The following TMEM63A variants were observed in gnomAD, a reference collection of about 807,000 sequenced individuals.
TMEM63A encodes mechanosensitive cation channel TMEM63A.
Under a neutral mutation model 100.6 loss-of-function variants are expected in TMEM63A, and 76 were observed. The observed-to-expected ratio is 0.76, with a 90% CI of 0.63 to 0.91. TMEM63A has a LOEUF of 0.91. Ranked by LOEUF, TMEM63A falls within the 40% of genes least tolerant of loss-of-function variation. The pLI is 0.00. For missense variants in TMEM63A, 876 were observed against 1,008.8 expected (o/e 0.87, Z 1.78); for synonymous variants, 401 against 401.1 (o/e 1.00, Z 0.00).
chr1:225,864,741 C>G (rs1006230270), intron 10 of TMEM63A: 12 of 152,224 alleles, frequency 7.9e-5, no homozygotes, highest in Admixed American at 2.0e-4. Flanking sequence ...ATTTGCTTAG[C>G]AAGTGCTTTC....
chr1:225,875,898 T>C (rs903388447), intron 3 of TMEM63A, among the ~76,000 whole-genome samples: 1 of 151,620 alleles, frequency 6.6e-6, no homozygotes, highest in Non-Finnish European at 1.5e-5. Flanking sequence ...AAATCCCATC[T>C]CTACCAAAAA....
chr1:225,877,246 C>T, intron 3 of TMEM63A, 149 bp downstream of exon 3: 1 of 839,548 alleles, frequency 1.2e-6, no homozygotes, highest in South Asian at 2.1e-5. Flanking sequence ...AGCTAAGTAA[C>T]ACGCCTAAGT....
chr1:225,860,910 A>G lies in TMEM63A; in HGVS notation c.1173T>C (p.Tyr391=). The G allele has an allele frequency of 6.2e-7, 1 of 1,612,872 alleles. No homozygotes were observed. ...CAAAGGTGACTGTCCACTTGGAGGT[A>G]TAGAGCTCCCTGCTATGGGAGGACG... The part of the protein sequence containing the change: ...PQPSSHSREL[Y]TSKWTVTFAA... The change falls in exon 14 of 25, where the codon TAT becomes TAC. Residue 391 remains tyrosine, a synonymous_variant. Coordinates refer to ENST00000366835, the MANE Select transcript of TMEM63A (RefSeq NM_014698.3).
chr1:225,874,505 G>T, intron 3 of TMEM63A, 138 bp from the exon 4 acceptor site: 1 of 690,608 alleles, frequency 1.4e-6, no homozygotes, highest in Non-Finnish European at 2.4e-6. Flanking sequence ...AGAGGGCACT[G>T]AAGTGCCCAA....
chr1:225,869,787 C>T (rs944941504), intron 6 of TMEM63A, among the ~76,000 whole-genome samples: 4 of 151,164 alleles, frequency 2.6e-5, no homozygotes, highest in South Asian at 4.2e-4. Flanking sequence ...CTCAGCCTCC[C>T]GAGTAGCTGG....
intron 13 of TMEM63A, 46 bp from the exon 14 acceptor site, chr1:225,861,043 C>T: frequency 6.4e-7 from 1 of 1,555,248 alleles, no homozygotes; most frequent in Non-Finnish European, 8.7e-7. Context: ...ACTCAGGTTA[C>T]CAAGCACACA....
At chr1:225,869,667 T>TTTTCTTTTC (rs1553492496) in intron 6 of TMEM63A, among the ~76,000 whole-genome samples, 20 of 2,636 alleles carry the variant, frequency 7.6e-3, no homozygotes, top group East Asian at 0.25. Context: ...TTTTCTTTTC[T>TTTTCTTTTC]TTTTTTTTTT....
In TMEM63A at chr1:225,846,904, C is replaced by G; in HGVS notation, c.*35G>C. On this transcript the variant is annotated 3_prime_UTR_variant, in exon 25 of 25. Coordinates refer to ENST00000366835, the MANE Select transcript of TMEM63A (RefSeq NM_014698.3). ...CCAAGGGCCTGAGCCCCAGGCCATT[C>G]TGGTTGTGTCTTTTCAGAGCAGTGA... 1.8e-6 allele frequency: 2 copies of G among 1,138,416 alleles called. No homozygotes were observed. The highest frequency in any genetic ancestry group is 5.8e-5 in the Admixed American group (2 of 34,294). 70.5% of individuals were successfully genotyped at this position (1,138,416 alleles called of 1,614,324 possible).
chr1:225,862,746 C>A lies in TMEM63A; in HGVS notation c.827+25G>T. On this transcript the variant is annotated intron_variant, in intron 11 of 24. Coordinates refer to ENST00000366835, the MANE Select transcript of TMEM63A (RefSeq NM_014698.3). The surrounding 1 kb of genome is among the most constrained non-coding windows in gnomAD (Gnocchi z 5.1). ...AGGCCAGCAAGGAAGGAGGGGGCAT[C>A]TTGCAAGGCCCGCCCACCACTCACT... 1 of 1,613,876 alleles carries A rather than the reference C, an allele frequency of 6.2e-7. No individual in the cohort carries two copies. Among genetic ancestry groups the A allele is most frequent in the Non-Finnish European group, 8.5e-7 (1 of 1,179,940 alleles).
At position 225,862,715 on chromosome 1, in the gene TMEM63A, G is replaced by A. The variant is rs1003933774; in HGVS notation, c.827+56C>T. On this transcript the variant is annotated intron_variant, in intron 11 of 24. Coordinates refer to ENST00000366835, the MANE Select transcript of TMEM63A (RefSeq NM_014698.3). This position sits in a 1 kb window ranked among gnomAD's most constrained non-coding sequence, Gnocchi z 5.1. Reference sequence around the variant, plus strand: ...CTCCCGCCTCCCTTCCTAGCTGGGAGATGCGAGGCCAGCAAGGAAGGAGGG... The same window carrying A: ...CTCCCGCCTCCCTTCCTAGCTGGGAAATGCGAGGCCAGCAAGGAAGGAGGG... 9.9e-6 allele frequency: 16 copies of A among 1,611,938 alleles called. No individual in the cohort carries two copies. The African/African-American group carries it at 1.7e-4, about 18-fold the overall frequency.
Position 225,877,496 on chromosome 1 carries a change from C to T in TMEM63A, c.85G>A (p.Asp29Asn), listed in dbSNP as rs140490039. The T allele has an allele frequency of 8.1e-6, 13 of 1,614,078 alleles. No homozygotes were observed. The highest frequency in any genetic ancestry group is 4.0e-5 in the African/African-American group (3 of 74,928). ...TTGGCCGAGTTGTAGCAATAGGAGT[C>T]GTTGGGCCGGTCCCCGAGTCCCAGC... ...EQLGLGDRPNDSYCYNSAKNS... is the reference protein window; with the variant it reads ...EQLGLGDRPNNSYCYNSAKNS... Residue 29 changes from aspartate (D) to asparagine (N), a missense_variant, in exon 3 of 25, where the codon GAC (aspartate) becomes AAC (asparagine). By Grantham distance (23) the Asp-to-Asn change is conservative. Coordinates refer to ENST00000366835, the MANE Select transcript of TMEM63A (RefSeq NM_014698.3).
chr1:225,866,733 G>A (rs577852953), intron 8 of TMEM63A, 51 bp from the exon 9 acceptor site: 174 of 1,565,572 alleles, frequency 1.1e-4, no homozygotes, highest in Non-Finnish European at 1.5e-4. Context: ...GCAGGGAGCT[G>A]GGGGTGCAGA....
rs1487176714 is a variant in TMEM63A at position 225,853,789 on chromosome 1, C to T, written c.1637G>A (p.Cys546Tyr). 6.3e-7 allele frequency: 1 copy of T among 1,597,824 alleles called. No homozygotes were observed. The highest frequency in any genetic ancestry group is 8.5e-7 in the Non-Finnish European group (1 of 1,171,690). Reference sequence around the variant, plus strand: ...GGCACCCTGGTCAGGCAGGAAGACGCACCTGGGGAAACCAGGGCCCAGGTC... The same window carrying T: ...GGCACCCTGGTCAGGCAGGAAGACGTACCTGGGGAAACCAGGGCCCAGGTC... The part of the protein sequence containing the change: ...TSSEASIRLE[C>Y]VFLPDQGAFF... Residue 546 changes from cysteine (C) to tyrosine (Y), a missense_variant and splice_region_variant, in exon 19 of 25, where the codon TGC becomes TAC. Cys to Tyr is a radical substitution (Grantham distance 194). Coordinates refer to ENST00000366835, the MANE Select transcript of TMEM63A (RefSeq NM_014698.3). The surrounding 1 kb of genome is among the most constrained non-coding windows in gnomAD (Gnocchi z 4.0).
At chr1:225,842,846 G>A (rs890758431), downstream of TMEM63A, among the ~76,000 whole-genome samples, 7 of 152,210 alleles carry the variant, frequency 4.6e-5, no homozygotes, top group African/African-American at 1.7e-4. Context: ...TCACGTGACT[G>A]CGTGTTCCAG....
Position 225,862,093 on chromosome 1 carries a change from A to C in TMEM63A, c.1085+125T>G. The C allele has an allele frequency of 7.1e-7, 1 of 1,412,452 alleles. No homozygotes were observed. The allele number at this position is 1,412,452 out of a possible 1,614,324, so 87.5% of individuals were successfully genotyped here. On this transcript the variant is annotated intron_variant, in intron 13 of 24. Transcript: ENST00000366835. The surrounding 1 kb of genome is among the most constrained non-coding windows in gnomAD (Gnocchi z 5.1). The stretch of plus-strand genomic sequence containing the variant: ...GTGGGTAGCTGAGGGAGGAGAAGGA[A>C]ACACCACAGATAAATCCCAGGGATG...
chr1:225,859,835 C>T (rs1051379032), intron 14 of TMEM63A: 1 of 163,718 alleles, frequency 6.1e-6, no homozygotes. Flanking sequence ...TTAGTAGAGA[C>T]AGGGTTTCAC....
At chr1:225,851,933 A>G (rs1576071061) in intron 20 of TMEM63A, among the ~76,000 whole-genome samples, 1 of 152,366 alleles carries the variant, frequency 6.6e-6, no homozygotes, top group Middle Eastern at 3.4e-3. Flanking sequence ...CTTACTAACA[A>G]CATACGAAGT....
chr1:225,855,759 G>GA (rs1669580692), intron 18 of TMEM63A, 119 bp downstream of exon 18: 1 of 987,036 alleles, frequency 1.0e-6, no homozygotes, highest in African/African-American at 1.7e-5. Context: ...GTCTGGGGAG[G>GA]AAGATGCCTG....
At chr1:225,856,826 GC>G (rs1669644707) in intron 16 of TMEM63A, 84 bp downstream of exon 16, 7 of 1,581,506 alleles carry the variant, frequency 4.4e-6, no homozygotes, top group Non-Finnish European at 5.2e-6. Flanking sequence ...CACTGCCTGA[GC>G]AGCTGGGGGG....
Sources: allele counts gnomAD v4.1 joint callset (sites outside exome capture counted in the v4.1 genomes callset), GRCh38; gene constraint gnomAD v4.1.1; non-coding constraint Gnocchi (gnomAD v3.1); transcripts MANE v1.5; gene names NCBI Gene and HGNC (gene_info 2026-07-23, HGNC 2026-07-21).